IL4R: variants seen among roughly 807,000 people sequenced by gnomAD.
The protein encoded by IL4R is interleukin-4 receptor subunit alpha.
Under a neutral mutation model 41.5 loss-of-function variants are expected in IL4R, and 17 were observed. The observed-to-expected ratio is 0.41, with a 90% CI of 0.28 to 0.61. IL4R has a LOEUF of 0.61. IL4R is among the 20% of genes least tolerant of loss of function. The pLI is 0.31. For synonymous variants in IL4R, 402 were observed against 422.9 expected (o/e 0.95, Z 0.61); for missense variants, 974 against 1,043.1 (o/e 0.93, Z 0.91).
In IL4R at chr16:27,334,884, CAACAAACAGTTACTG is replaced by C. The variant is rs1184499111; in HGVS notation, c.-19+4691_-19+4705del. 3.3e-5 allele frequency among the ~76,000 whole-genome samples: 5 copies of C among 152,080 alleles called. No homozygotes were observed. In the South Asian group the frequency reaches 6.2e-4, roughly 19 times the overall value. ...ACATCATGTCCAAAATGAATTTAAT[CAACAAACAGTTACTG>C]AACACGTCCTATGTGCCAGGCACCG... On this transcript the variant is annotated intron_variant, in intron 2 of 10. Coordinates refer to ENST00000395762, the MANE Select transcript of IL4R (RefSeq NM_000418.4).
At chr16:27,319,481 C>T (rs983451179) in intron 1 of IL4R, among the ~76,000 whole-genome samples, 12 of 152,206 alleles carry the variant, frequency 7.9e-5, no homozygotes, top group African/African-American at 2.7e-4. Context: ...GTGCTGAAGA[C>T]ACACCTGCCA....
At chr16:27,342,383 A>G in intron 4 of IL4R, 124 bp downstream of exon 4, 6 of 1,210,722 alleles carry the variant, frequency 5.0e-6, no homozygotes, top group Non-Finnish European at 7.1e-6. Context: ...TGCTGTTTAT[A>G]TGGTGTTAGA....
chr16:27,360,109 G>A (rs936376799), intron 9 of IL4R, among the ~76,000 whole-genome samples: 1 of 152,066 alleles, frequency 6.6e-6, no homozygotes, highest in Non-Finnish European at 1.5e-5. Context: ...CTGCTTCCTG[G>A]GTTCAAGCAA....
At chr16:27,338,031 G>A (rs183184347) in intron 2 of IL4R, among the ~76,000 whole-genome samples, 100 of 145,668 alleles carry the variant, frequency 6.9e-4, no homozygotes, top group Admixed American at 1.8e-3. Flanking sequence ...GTCTCGGCTC[G>A]CTGCAACCTC....
At chr16:27,349,608 C>T (rs1596519497) in intron 6 of IL4R, among the ~76,000 whole-genome samples, 2 of 152,258 alleles carry the variant, frequency 1.3e-5, no homozygotes, top group South Asian at 2.1e-4. Context: ...ATATGTGTAG[C>T]GATAAAGCAC....
intron 6 of IL4R, among the ~76,000 whole-genome samples, chr16:27,349,776 G>A (rs1267151911): frequency 6.6e-6 from 1 of 152,126 alleles, no homozygotes; most frequent in African/African-American, 2.4e-5. Flanking sequence ...TTGAGACAGA[G>A]TCTCACTCTA....
At chr16:27,322,124 T>A (rs1200348803) in intron 1 of IL4R, among the ~76,000 whole-genome samples, 1 of 151,970 alleles carries the variant, frequency 6.6e-6, no homozygotes, top group Non-Finnish European at 1.5e-5. Flanking sequence ...TTTACCTGAT[T>A]TACCTCCCAC....
chr16:27,320,944 C>G (rs540330339), intron 1 of IL4R, among the ~76,000 whole-genome samples: 2 of 121,650 alleles, frequency 1.6e-5, no homozygotes, highest in South Asian at 2.5e-4. Flanking sequence ...AGCTTTCTTT[C>G]TTTCTTTTTT....
At chr16:27,334,924 G>A (rs1043199922) in intron 2 of IL4R, among the ~76,000 whole-genome samples, 5 of 152,094 alleles carry the variant, frequency 3.3e-5, no homozygotes, top group African/African-American at 7.2e-5. Context: ...GCCAGGCACC[G>A]TTGTAGATAC....
Position 27,363,724 on chromosome 16 carries a change from C to T in IL4R, c.2372C>T (p.Ser791Phe), listed in dbSNP as rs760466141. Reference protein sequence around the residue: ...APSGISEKSKSSSSFHPAPGN... With the variant: ...APSGISEKSKFSSSFHPAPGN... ...TCGGGCATCTCAGAGAAGAGTAAAT[C>T]CTCATCATCCTTCCATCCTGCCCCT... Residue 791 changes from serine to phenylalanine, a missense_variant, in exon 11 of 11, where the codon TCC (serine) becomes TTC (phenylalanine). Transcript: ENST00000395762. 1.2e-6 allele frequency: 2 copies of T among 1,613,744 alleles called. No individual in the cohort carries two copies. The highest frequency in any genetic ancestry group is 1.7e-5 in the Admixed American group (1 of 60,020).
chr16:27,348,047 C>T (rs942878333), intron 6 of IL4R, among the ~76,000 whole-genome samples: 2 of 152,236 alleles, frequency 1.3e-5, no homozygotes, highest in African/African-American at 4.8e-5. Flanking sequence ...CCCAGGGGCC[C>T]AGGCTGGGCC....
At position 27,349,418 on chromosome 16, in the gene IL4R, C is replaced by A. The variant is rs1409486336; in HGVS notation, c.513+2800C>A. ...ACTCATTCATTCCCCTAGATAATTT[C>A]TAGGCAAGGTTCCATAGTGGAGGGG... is the stretch of plus-strand genomic sequence containing the variant. On this transcript the variant is annotated intron_variant, in intron 6 of 10. Transcript: ENST00000395762. 7.2e-5 allele frequency among the ~76,000 whole-genome samples: 11 copies of A among 152,248 alleles called. No homozygotes were observed. In the East Asian group the frequency reaches 1.9e-3, roughly 27 times the overall value.
At chr16:27,334,716 A>T (rs1158000169) in intron 2 of IL4R, among the ~76,000 whole-genome samples, 2 of 152,040 alleles carry the variant, frequency 1.3e-5, no homozygotes, top group African/African-American at 4.8e-5. Context: ...TCAGGAACCC[A>T]CCACCCCATT....
chr16:27,363,733 C>G lies in IL4R; in HGVS notation c.2381C>G (p.Ser794Cys), dbSNP rs1345985280. The G allele has an allele frequency of 1.9e-6, 3 of 1,613,646 alleles. No homozygotes were observed. The highest frequency in any genetic ancestry group is 1.7e-6 in the Non-Finnish European group (2 of 1,180,028). The stretch of plus-strand genomic sequence containing the variant: ...TCAGAGAAGAGTAAATCCTCATCAT[C>G]CTTCCATCCTGCCCCTGGCAATGCT... ...GISEKSKSSSSFHPAPGNAQS... is the reference protein window; with the variant it reads ...GISEKSKSSSCFHPAPGNAQS... Residue 794 changes from serine (S) to cysteine (C), a missense_variant, in exon 11 of 11, where the codon TCC becomes TGC. Ser to Cys is a moderately radical substitution (Grantham distance 112). Transcript: ENST00000395762.
chr16:27,364,298 T>C lies in IL4R; in HGVS notation c.*468T>C, dbSNP rs2086422861. The C allele has an allele frequency of 6.2e-6, 1 of 161,386 alleles. No individual in the cohort carries two copies. The highest frequency in any genetic ancestry group is 1.9e-4 in the South Asian group (1 of 5,374). 10.0% of individuals were successfully genotyped at this position (161,386 alleles called of 1,614,324 possible). Reference sequence around the variant, plus strand: ...TAACACAGCCATCAAGGGAATGACTTGGGCGGCCTTGGGAAATCGATGAGA... The same window carrying C: ...TAACACAGCCATCAAGGGAATGACTCGGGCGGCCTTGGGAAATCGATGAGA... On this transcript the variant is annotated 3_prime_UTR_variant, in exon 11 of 11. Coordinates refer to ENST00000395762, the MANE Select transcript of IL4R (RefSeq NM_000418.4).
intron 10 of IL4R, chr16:27,361,127 T>C (rs2086268617): frequency 8.7e-6 from 8 of 918,128 alleles, no homozygotes; most frequent in African/African-American, 1.7e-5. Context: ...AAATAGCCAC[T>C]ATCCTGAACA....
chr16:27,356,233 A>AG (rs2086075781), intron 8 of IL4R, among the ~76,000 whole-genome samples: 1 of 151,894 alleles, frequency 6.6e-6, no homozygotes, highest in Non-Finnish European at 1.5e-5. Flanking sequence ...CTGGGATTAC[A>AG]GGCGCATGCC....
intron 6 of IL4R, among the ~76,000 whole-genome samples, chr16:27,350,477 G>A (rs1046079373): frequency 1.3e-5 from 2 of 151,916 alleles, no homozygotes; most frequent in African/African-American, 2.4e-5. Flanking sequence ...ACCTCCCCTT[G>A]GCTCACTTTG....
At position 27,363,432 on chromosome 16, in the gene IL4R, C is replaced by A. The variant is rs377361464; in HGVS notation, c.2080C>A (p.Leu694Ile). 15 of 1,614,034 alleles carry A rather than the reference C, an allele frequency of 9.3e-6. No individual in the cohort carries two copies. Among genetic ancestry groups the A allele is most frequent in the African/African-American group, 2.7e-5 (2 of 74,934 alleles). The change falls in exon 11 of 11, where the codon CTT becomes ATT. Residue 694 changes from leucine to isoleucine, a missense_variant. By Grantham distance (5) the Leu-to-Ile change is conservative. Coordinates refer to ENST00000395762, the MANE Select transcript of IL4R (RefSeq NM_000418.4). The part of the protein sequence containing the change: ...EKVEDMPKPP[L>I]PQEQATDPLV... ...GGTAGAGGACATGCCAAAGCCCCCACTTCCCCAGGAGCAGGCCACAGACCC... is the reference window on the plus strand; with the variant it reads ...GGTAGAGGACATGCCAAAGCCCCCAATTCCCCAGGAGCAGGCCACAGACCC...
Sources: allele counts gnomAD v4.1 joint callset (sites outside exome capture counted in the v4.1 genomes callset), GRCh38; gene constraint gnomAD v4.1.1; transcripts MANE v1.5; gene names NCBI Gene and HGNC (gene_info 2026-07-23, HGNC 2026-07-21).